Variants in MDM4 observed in about 807,000 individuals in gnomAD.
MDM4 encodes the protein MDM4 regulator of p53, also known as protein Mdm4.
MDM4 carries 2 observed loss-of-function variants against 60.2 expected under a neutral mutation model. The ratio of observed to expected loss-of-function variants is 0.03; its 90% CI spans 0.01 to 0.10. The LOEUF is 0.10. Ranked by LOEUF, MDM4 falls within the 10% of genes least tolerant of loss-of-function variation. The probability of loss-of-function intolerance (pLI) is 1.00; values close to 1 mark genes in which losing one functional copy is unlikely to be tolerated. For synonymous variants in MDM4, 202 were observed against 198.1 expected (o/e 1.02, Z -0.17); for missense variants, 447 against 577.5 (o/e 0.77, Z 2.32).
At chr1:204,526,868 A>G (rs1000608683) in intron 3 of MDM4, among the ~76,000 whole-genome samples, 1 of 152,226 alleles carries the variant, frequency 6.6e-6, no homozygotes, top group African/African-American at 2.4e-5. Flanking sequence ...CAGAGGGGCA[A>G]CTTATACTCT....
chr1:204,521,151 G>A (rs779149161), intron 1 of MDM4, among the ~76,000 whole-genome samples: 1 of 152,140 alleles, frequency 6.6e-6, no homozygotes, highest in Admixed American at 6.5e-5. Context: ...GGCTGTTTTG[G>A]TATTAAATGG....
intron 3 of MDM4, chr1:204,529,431 C>T: frequency 2.0e-6 from 3 of 1,464,368 alleles, no homozygotes; most frequent in East Asian, 2.3e-5. Flanking sequence ...ACCATAGGGG[C>T]CCCCTGGAGC....
rs543819138 is a variant in MDM4, at chr1:204,552,001, C to T, written c.*2319C>T. On this transcript the variant is annotated 3_prime_UTR_variant, in exon 11 of 11. Transcript: ENST00000367182. ...AGCTAAAAAAAAAAAAAAAAAAAAT[C>T]GTGGACCGGGCGTAGTGGCTCACGC... is the stretch of plus-strand genomic sequence containing the variant. The T allele has an allele frequency of 1.9e-3, 314 of 165,790 alleles. No individual in the cohort carries two copies. Among genetic ancestry groups the T allele is most frequent in the Non-Finnish European group, 3.4e-3 (265 of 78,470 alleles). The allele number at this position is 165,790 out of a possible 1,614,324, so 10.3% of individuals were successfully genotyped here.
At chr1:204,519,251 G>A (rs1011897515) in intron 1 of MDM4, among the ~76,000 whole-genome samples, 4 of 152,234 alleles carry the variant, frequency 2.6e-5, no homozygotes, top group African/African-American at 9.6e-5. Flanking sequence ...TTTTTAAAAT[G>A]CTTTTGGCAG....
At chr1:204,518,144 A>G (rs1659184187) in intron 1 of MDM4, among the ~76,000 whole-genome samples, 1 of 152,198 alleles carries the variant, frequency 6.6e-6, no homozygotes, top group South Asian at 2.1e-4. Context: ...CGACAGCGCG[A>G]GAGCCTGTCT....
At chr1:204,540,109 G>C (rs1572504624) in intron 7 of MDM4, among the ~76,000 whole-genome samples, 1 of 151,400 alleles carries the variant, frequency 6.6e-6, no homozygotes, top group African/African-American at 2.4e-5. Flanking sequence ...GTGAAATCCT[G>C]TCTCTACTTA....
chr1:204,545,639 G>C (rs558858893), intron 9 of MDM4, among the ~76,000 whole-genome samples: 1 of 152,326 alleles, frequency 6.6e-6, no homozygotes, highest in East Asian at 1.9e-4. Context: ...TATATGGGTA[G>C]CATTAGAAGG....
chr1:204,546,830 G>T lies in MDM4; in HGVS notation c.856G>T (p.Asp286Tyr). The T allele has an allele frequency of 6.2e-7, 1 of 1,613,320 alleles. No individual in the cohort carries two copies. Among genetic ancestry groups the T allele is most frequent in the South Asian group, 1.1e-5 (1 of 90,988 alleles). The change falls in exon 10 of 11, where the codon GAC becomes TAC. Residue 286 changes from aspartate to tyrosine, a missense_variant. Transcript: ENST00000367182. ...AGTGGGAAAAAATGATGACCTGGAGGACTCTAAGTCCTTAAGTGATGATAC... is the reference window on the plus strand; with the variant it reads ...AGTGGGAAAAAATGATGACCTGGAGTACTCTAAGTCCTTAAGTGATGATAC... ...IEVGKNDDLE[D>Y]SKSLSDDTDV...
intron 1 of MDM4, among the ~76,000 whole-genome samples, chr1:204,517,050 G>A (rs1659051358): frequency 6.6e-6 from 1 of 152,026 alleles, no homozygotes; most frequent in Non-Finnish European, 1.5e-5. Flanking sequence ...AGACCAACCT[G>A]GCCAACCTGG....
At chr1:204,541,192 C>T (rs1040703505) in intron 7 of MDM4, among the ~76,000 whole-genome samples, 1 of 152,156 alleles carries the variant, frequency 6.6e-6, no homozygotes, top group Non-Finnish European at 1.5e-5. Context: ...GGCATGGTAG[C>T]TCGTGCCTGT....
chr1:204,549,692 G>T lies in MDM4; in HGVS notation c.*10G>T. The T allele has an allele frequency of 2.1e-6, 3 of 1,433,666 alleles. No individual in the cohort carries two copies. The South Asian group carries it at 4.2e-5, about 20-fold the overall frequency. The allele number at this position is 1,433,666 out of a possible 1,614,324, so 88.8% of individuals were successfully genotyped here. A position where few individuals can be genotyped will look rare whatever the true frequency, so the allele number is the denominator to read the frequency against. On this transcript the variant is annotated 3_prime_UTR_variant, in exon 11 of 11. Transcript: ENST00000367182. ...GGTTTTTATAGCATAATGGTAGTAC[G>T]AACATAAAAATGCATTTATTCCGTT...
intron 3 of MDM4, among the ~76,000 whole-genome samples, chr1:204,526,860 G>T (rs1181371682): frequency 2.0e-5 from 3 of 152,222 alleles, no homozygotes; most frequent in Non-Finnish European, 4.4e-5. Context: ...TGAGGTATCA[G>T]AGGGGCAACT....
At chr1:204,547,241 A>G (rs1294215378) in intron 10 of MDM4, among the ~76,000 whole-genome samples, 1 of 152,234 alleles carries the variant, frequency 6.6e-6, no homozygotes, top group Non-Finnish European at 1.5e-5. Flanking sequence ...AGGCTATCTA[A>G]AATTATTTGT....
At chr1:204,520,199 C>T (rs923171612) in intron 1 of MDM4, among the ~76,000 whole-genome samples, 2 of 151,294 alleles carry the variant, frequency 1.3e-5, no homozygotes, top group South Asian at 2.1e-4. Flanking sequence ...ATGGCATGAA[C>T]CCCGGGGGGT....
chr1:204,530,424 C>T (rs1660750656), intron 3 of MDM4, among the ~76,000 whole-genome samples: 2 of 152,052 alleles, frequency 1.3e-5, no homozygotes, highest in Admixed American at 1.3e-4. Context: ...TAGGTAAATT[C>T]ACTGCTTTTT....
intron 9 of MDM4, 89 bp downstream of exon 9, chr1:204,544,773 A>G: frequency 8.5e-7 from 1 of 1,175,434 alleles, no homozygotes; most frequent in Non-Finnish European, 1.2e-6. Flanking sequence ...TTTACAACAG[A>G]TTGCTCACAT....
At chr1:204,533,006 A>AATT (rs1236968270) in intron 5 of MDM4, among the ~76,000 whole-genome samples, 49 of 152,358 alleles carry the variant, frequency 3.2e-4, no homozygotes, top group Non-Finnish European at 5.6e-4. Context: ...TCATGTTAAT[A>AATT]ATCTGTGGGC....
chr1:204,552,872 C>CTTT lies in MDM4; in HGVS notation c.*3204_*3206dup, dbSNP rs71147703. The CTTT allele has an allele frequency of 0.014, 1,894 of 133,868 alleles. 18 individuals carry two copies. The highest frequency in any genetic ancestry group is 0.029 in the African/African-American group (1,050 of 36,550). 8.3% of individuals were successfully genotyped at this position (133,868 alleles called of 1,614,324 possible). Reference sequence around the variant, plus strand: ...AACTTTAAACTATTTCTTTTCTTTTCTTTTTTTTTTTTTTTTACTTGAGAT... The same window carrying CTTT: ...AACTTTAAACTATTTCTTTTCTTTTCTTTTTTTTTTTTTTTTTTTACTTGAGAT... On this transcript the variant is annotated 3_prime_UTR_variant, in exon 11 of 11. Transcript: ENST00000367182.
chr1:204,533,767 CTTTCT>C (rs1046365859), intron 5 of MDM4, among the ~76,000 whole-genome samples: 4 of 145,138 alleles, frequency 2.8e-5, no homozygotes, highest in Admixed American at 2.2e-4. Flanking sequence ...CTTTTTCTTT[CTTTCT>C]TTTCTTTTTC....
Sources: allele counts gnomAD v4.1 joint callset (sites outside exome capture counted in the v4.1 genomes callset), GRCh38; gene constraint gnomAD v4.1.1; transcripts MANE v1.5; gene names NCBI Gene and HGNC (gene_info 2026-07-23, HGNC 2026-07-21).